CADM2: variants seen among roughly 807,000 people sequenced by gnomAD.
CADM2 encodes the protein immunoglobulin superfamily member 4D.
Under a neutral mutation model 49.8 loss-of-function variants are expected in CADM2, and 12 were observed. That is an observed-to-expected ratio of 0.24 (90% CI 0.15 to 0.39). The LOEUF (loss-of-function observed/expected upper bound fraction) is 0.39. Ranked by LOEUF, CADM2 falls within the 10% of genes least tolerant of loss-of-function variation. The pLI is 1.00. For missense variants in CADM2, 378 were observed against 492.3 expected, an observed-to-expected ratio of 0.77 and a Z score of 2.20; for synonymous variants, 214 against 175.4, an observed-to-expected ratio of 1.22 and a Z score of -1.74.
intron 8 of CADM2, among the ~76,000 whole-genome samples, chr3:85,962,127 C>T (rs528447806): frequency 1.3e-5 from 2 of 151,932 alleles, no homozygotes; most frequent in South Asian, 2.1e-4. Context: ...CCATGTTCAC[C>T]AGGCTTACCT....
At chr3:85,206,741 TAATC>T in intron 1 of CADM2, among the ~76,000 whole-genome samples, 1 of 152,028 alleles carries the variant, frequency 6.6e-6, no homozygotes, top group Middle Eastern at 3.4e-3. Flanking sequence ...TATTTGATCT[TAATC>T]TACTTTATAT....
intron 3 of CADM2, among the ~76,000 whole-genome samples, chr3:85,827,284 C>T (rs974892541): frequency 1.3e-5 from 2 of 151,932 alleles, no homozygotes; most frequent in African/African-American, 4.8e-5. Context: ...AAATTGCAGT[C>T]TCTTTTCAAA....
intron 1 of CADM2, among the ~76,000 whole-genome samples, chr3:85,378,297 C>G (rs987536200): frequency 2.0e-5 from 3 of 152,082 alleles, no homozygotes; most frequent in Non-Finnish European, 2.9e-5. Context: ...TTATCTTCCT[C>G]AAGGACGCAA....
At chr3:85,484,933 G>C (rs1283134869) in intron 1 of CADM2, among the ~76,000 whole-genome samples, 2 of 151,828 alleles carry the variant, frequency 1.3e-5, no homozygotes, top group Non-Finnish European at 2.9e-5. Flanking sequence ...CCTTCACGCA[G>C]TTTGCCAGTG....
chr3:85,702,065 C>G (rs781711909), intron 1 of CADM2, among the ~76,000 whole-genome samples: 2 of 152,054 alleles, frequency 1.3e-5, no homozygotes, highest in Non-Finnish European at 2.9e-5. Context: ...TTTAGTACAA[C>G]TGATGATGGG....
chr3:84,975,892 A>C (rs566196821), intron 1 of CADM2, among the ~76,000 whole-genome samples: 1 of 151,854 alleles, frequency 6.6e-6, no homozygotes, highest in African/African-American at 2.4e-5. Context: ...GGCCTCCCCA[A>C]ACAAAATGAA....
intron 1 of CADM2, among the ~76,000 whole-genome samples, chr3:85,613,408 C>G (rs13061681): frequency 0.18 from 27,102 of 151,270 alleles, 3,017 homozygotes; most frequent in Non-Finnish European, 0.25. Flanking sequence ...ACCCATTATG[C>G]CTTTGATTCT....
intron 1 of CADM2, among the ~76,000 whole-genome samples, chr3:85,293,797 T>C (rs575013169): frequency 1.3e-5 from 2 of 148,382 alleles, no homozygotes; most frequent in African/African-American, 5.0e-5. Context: ...TTCAAAATAA[T>C]AAGAGCTATC....
At chr3:85,188,183 T>C (rs1409018226) in intron 1 of CADM2, among the ~76,000 whole-genome samples, 1 of 152,126 alleles carries the variant, frequency 6.6e-6, no homozygotes, top group Non-Finnish European at 1.5e-5. Context: ...GGAATACATG[T>C]GATTTTAAAA....
intron 1 of CADM2, among the ~76,000 whole-genome samples, chr3:85,347,516 C>T (rs2030815570): frequency 6.9e-6 from 1 of 145,756 alleles, no homozygotes; most frequent in Non-Finnish European, 1.5e-5. Context: ...TATATACACA[C>T]ATATATATAA....
intron 1 of CADM2, among the ~76,000 whole-genome samples, chr3:85,111,507 G>A (rs937068627): frequency 1.3e-5 from 2 of 151,724 alleles, no homozygotes; most frequent in African/African-American, 2.4e-5. Flanking sequence ...TGAAGTAAAC[G>A]AGGCACAGAA....
At chr3:85,093,652 A>C (rs2037684592) in intron 1 of CADM2, among the ~76,000 whole-genome samples, 1 of 152,178 alleles carries the variant, frequency 6.6e-6, no homozygotes, top group African/African-American at 2.4e-5. Context: ...ATAAAATAAT[A>C]TTTCCGAGCA....
intron 1 of CADM2, among the ~76,000 whole-genome samples, chr3:85,373,418 T>C (rs2033392448): frequency 6.6e-6 from 1 of 152,144 alleles, no homozygotes; most frequent in African/African-American, 2.4e-5. Flanking sequence ...CCTATGACTT[T>C]ACAGGGTATA....
At chr3:85,968,890 G>T (rs1279746629) in intron 8 of CADM2, among the ~76,000 whole-genome samples, 1 of 151,652 alleles carries the variant, frequency 6.6e-6, no homozygotes, top group Non-Finnish European at 1.5e-5. Context: ...CATAAAACCT[G>T]CTTTGTAGCT....
At chr3:85,372,415 GTA>G (rs1448645859) in intron 1 of CADM2, among the ~76,000 whole-genome samples, 1 of 137,516 alleles carries the variant, frequency 7.3e-6, no homozygotes, top group African/African-American at 2.7e-5. Flanking sequence ...GTATATATAT[GTA>G]TATATGTGTG....
At chr3:85,657,506 T>C (rs2065238196) in intron 1 of CADM2, among the ~76,000 whole-genome samples, 1 of 151,880 alleles carries the variant, frequency 6.6e-6, no homozygotes, top group Non-Finnish European at 1.5e-5. Flanking sequence ...TCAAATGACA[T>C]CATTAGAATT....
At chr3:85,668,295 C>CAA (rs11447925) in intron 1 of CADM2, among the ~76,000 whole-genome samples, 11,785 of 81,532 alleles carry the variant, frequency 0.14, 852 homozygotes, top group African/African-American at 0.21. Context: ...AGTACCAAAG[C>CAA]AAAAAAAAAA....
At chr3:85,513,281 T>C (rs1469673426) in intron 1 of CADM2, among the ~76,000 whole-genome samples, 4 of 152,062 alleles carry the variant, frequency 2.6e-5, no homozygotes, top group Admixed American at 2.6e-4. Context: ...TACATGGCTT[T>C]AGAATTTTGT....
At chr3:85,316,881 A>T (rs2044477900) in intron 1 of CADM2, among the ~76,000 whole-genome samples, 1 of 152,172 alleles carries the variant, frequency 6.6e-6, no homozygotes, top group African/African-American at 2.4e-5. Flanking sequence ...TCAAAACAGG[A>T]TGCGAAGGGC....
Sources: gnomAD v4.1 joint callset for allele counts (sites outside exome capture counted in the v4.1 genomes callset) on GRCh38, gnomAD v4.1.1 for gene constraint, MANE v1.5 for transcripts, NCBI Gene and HGNC (gene_info 2026-07-23, HGNC 2026-07-21) for gene names.